The following PROS1 variants were observed in gnomAD, a reference collection of about 807,000 sequenced individuals.
PROS1 encodes vitamin K-dependent protein S.
In PROS1, 29 loss-of-function variants were observed where a neutral mutation model predicts 75.9. The ratio of observed to expected loss-of-function variants is 0.38; its 90% CI spans 0.28 to 0.52. The LOEUF is 0.52. PROS1 is among the 20% of genes least tolerant of loss of function. The pLI, the probability that PROS1 is intolerant of heterozygous loss-of-function variation, is 0.83. For synonymous variants in PROS1, 245 were observed against 280.6 expected (o/e 0.87, Z 1.27); for missense variants, 680 against 810.3 (o/e 0.84, Z 1.95).
intron 6 of PROS1, among the ~76,000 whole-genome samples, chr3:93,904,005 C>G (rs1180280363): frequency 7.1e-6 from 1 of 140,570 alleles, no homozygotes; most frequent in Non-Finnish European, 1.5e-5. Context: ...GTGATATTCC[C>G]CTTCCTGTGT....
At chr3:93,956,537 C>CT (rs1559951163) in intron 1 of PROS1, among the ~76,000 whole-genome samples, 2 of 60,650 alleles carry the variant, frequency 3.3e-5, no homozygotes, top group Non-Finnish European at 8.1e-5. Flanking sequence ...TCTCTCTACA[C>CT]ACACACACAC....
At chr3:93,928,465 C>G (rs1435442508) in intron 1 of PROS1, among the ~76,000 whole-genome samples, 1 of 147,336 alleles carries the variant, frequency 6.8e-6, no homozygotes, top group African/African-American at 2.5e-5. Flanking sequence ...ACCAGGGAGC[C>G]AGAGGTTACA....
At chr3:93,938,584 G>A (rs757733646) in intron 1 of PROS1, among the ~76,000 whole-genome samples, 2 of 152,094 alleles carry the variant, frequency 1.3e-5, no homozygotes, top group South Asian at 2.1e-4. Context: ...ATTTCAAATC[G>A]GTTAAGCGGT....
chr3:93,874,784 AATTATAGCT>A, intron 14 of PROS1, among the ~76,000 whole-genome samples: 1 of 152,234 alleles, frequency 6.6e-6, no homozygotes, highest in African/African-American at 2.4e-5. Flanking sequence ...CTTAACTCCA[AATTATAGCT>A]ACTTGGGAAT....
chr3:93,955,109 C>A (rs1230049448), intron 1 of PROS1, among the ~76,000 whole-genome samples: 1 of 152,174 alleles, frequency 6.6e-6, no homozygotes, highest in African/African-American at 2.4e-5. Flanking sequence ...GAAATAGGAA[C>A]ACTTTTACAC....
At chr3:93,928,013 T>A (rs533564160) in intron 1 of PROS1, among the ~76,000 whole-genome samples, 1,298 of 9,006 alleles carry the variant, frequency 0.14, 17 homozygotes, top group Non-Finnish European at 0.15. Context: ...ATATATATAT[T>A]TTTTTTTTTT....
intron 3 of PROS1, among the ~76,000 whole-genome samples, chr3:93,916,417 A>G (rs1708849844): frequency 6.6e-6 from 1 of 152,200 alleles, no homozygotes; most frequent in Admixed American, 6.5e-5. Flanking sequence ...CCCAGGCCAG[A>G]CTACATTAGC....
At chr3:93,966,773 G>A (rs1253081761) in intron 1 of PROS1, among the ~76,000 whole-genome samples, 3 of 149,710 alleles carry the variant, frequency 2.0e-5, no homozygotes, top group Non-Finnish European at 4.4e-5. Context: ...AGCCACTCAG[G>A]AGGCTGAGGC....
At chr3:93,950,431 C>T (rs1322522223) in intron 1 of PROS1, among the ~76,000 whole-genome samples, 1 of 152,188 alleles carries the variant, frequency 6.6e-6, no homozygotes, top group African/African-American at 2.4e-5. Flanking sequence ...GAGACATCTC[C>T]CAGTAGTGGC....
chr3:93,911,842 C>T (rs1274082052), intron 3 of PROS1, among the ~76,000 whole-genome samples: 1 of 152,124 alleles, frequency 6.6e-6, no homozygotes, highest in Non-Finnish European at 1.5e-5. Flanking sequence ...CCAGGGTCCA[C>T]CCAGATTCAA....
chr3:93,894,185 T>A (rs1421565598), intron 9 of PROS1, among the ~76,000 whole-genome samples: 2 of 152,070 alleles, frequency 1.3e-5, no homozygotes, highest in Admixed American at 6.5e-5. Flanking sequence ...TATAGTAAAA[T>A]AGTAATAGTA....
At chr3:93,954,633 A>T (rs1412872675) in intron 1 of PROS1, among the ~76,000 whole-genome samples, 1 of 152,182 alleles carries the variant, frequency 6.6e-6, no homozygotes, top group Non-Finnish European at 1.5e-5. Flanking sequence ...CTAGAAGATA[A>T]CCTAGGCAAT....
intron 1 of PROS1, among the ~76,000 whole-genome samples, chr3:93,972,628 C>G (rs1255625794): frequency 2.7e-5 from 4 of 150,162 alleles, no homozygotes; most frequent in Non-Finnish European, 4.4e-5. Context: ...CACCGGAGGT[C>G]AGGAGCTCGA....
At chr3:93,879,132 C>A in intron 13 of PROS1, 31 bp downstream of exon 13, 1 of 1,597,138 alleles carries the variant, frequency 6.3e-7, no homozygotes, top group East Asian at 2.2e-5. Context: ...AAAAGAAAAA[C>A]AAGGCTTATA....
chr3:93,895,604 A>G, intron 9 of PROS1, among the ~76,000 whole-genome samples: 1 of 152,182 alleles, frequency 6.6e-6, no homozygotes, highest in East Asian at 1.9e-4. Context: ...TTAAAATTTG[A>G]ACTGTATAAT....
chr3:93,878,402 T>C (rs901662519), intron 13 of PROS1, among the ~76,000 whole-genome samples: 18 of 152,188 alleles, frequency 1.2e-4, no homozygotes, highest in Admixed American at 7.2e-4. Flanking sequence ...GCATAACTTG[T>C]TTTACTACAA....
rs187117124 is a variant in PROS1, at chr3:93,901,172, A to G, written c.602-243T>C. Among the ~76,000 whole-genome samples, 945 of 152,306 alleles carry G rather than the reference A, an allele frequency of 6.2e-3. 7 individuals carry two copies. The highest frequency in any genetic ancestry group is 7.8e-3 in the Non-Finnish European group (528 of 68,014). ...ATGTTCCTTTCTAGTTATGTTAAGA[A>G]GGAGAAAGCTTTAGAAATTTTCTTA... On this transcript the variant is annotated intron_variant, in intron 6 of 14. Transcript: ENST00000394236.
intron 13 of PROS1, among the ~76,000 whole-genome samples, chr3:93,878,445 A>G (rs1479725699): frequency 1.3e-5 from 2 of 152,196 alleles, no homozygotes; most frequent in Admixed American, 6.5e-5. Flanking sequence ...CTCTTTCTAA[A>G]ATCTACTGAA....
chr3:93,886,910 C>CTTTTTTTT (rs1297839394), intron 10 of PROS1, among the ~76,000 whole-genome samples: 1 of 130,586 alleles, frequency 7.7e-6, no homozygotes, highest in African/African-American at 2.8e-5. Context: ...TAAATAAGTT[C>CTTTTTTTT]TTTTTTTTTT....
Sources: allele counts gnomAD v4.1 joint callset (sites outside exome capture counted in the v4.1 genomes callset), GRCh38; gene constraint gnomAD v4.1.1; transcripts MANE v1.5; gene names NCBI Gene and HGNC (gene_info 2026-07-23, HGNC 2026-07-21).